KCNK13: variants seen among roughly 807,000 people sequenced by gnomAD.
The protein encoded by KCNK13 is potassium two pore domain channel subfamily K member 13, also known as potassium channel subfamily K member 13.
A neutral mutation model predicts 23.4 loss-of-function variants in KCNK13; 12 were observed. That is an observed-to-expected ratio of 0.51 (90% CI 0.33 to 0.83). KCNK13 has a LOEUF of 0.83. Among genes scored for constraint, KCNK13 ranks in the 40% least tolerant of loss-of-function variants. The probability of loss-of-function intolerance (pLI) is 0.02; values close to 1 mark genes in which losing one functional copy is unlikely to be tolerated. For synonymous variants in KCNK13, 231 were observed against 229.5 expected (o/e 1.01, Z -0.06); for missense variants, 463 against 556.3 (o/e 0.83, Z 1.69).
chr14:90,123,070 A>G (rs909263063), intron 1 of KCNK13, among the ~76,000 whole-genome samples: 1 of 152,194 alleles, frequency 6.6e-6, no homozygotes, highest in Non-Finnish European at 1.5e-5. Context: ...TTATTGAACT[A>G]TAGCTATATT....
chr14:90,178,071 T>G (rs1297775546), intron 1 of KCNK13, among the ~76,000 whole-genome samples: 1 of 152,090 alleles, frequency 6.6e-6, no homozygotes, highest in Non-Finnish European at 1.5e-5. Flanking sequence ...TTGAGAACTC[T>G]TTAGATACAC....
At chr14:90,069,619 A>C (rs1005269357) in intron 1 of KCNK13, among the ~76,000 whole-genome samples, 1 of 152,104 alleles carries the variant, frequency 6.6e-6, no homozygotes, top group Admixed American at 6.5e-5. Context: ...ATTGAAAGTC[A>C]CTATTTTACA....
chr14:90,081,641 A>G (rs1244290049), intron 1 of KCNK13, among the ~76,000 whole-genome samples: 3 of 152,204 alleles, frequency 2.0e-5, no homozygotes, highest in African/African-American at 7.2e-5. Context: ...TTTTTAGCAT[A>G]TTTACAGAGT....
At chr14:90,067,890 C>T (rs1889027124) in intron 1 of KCNK13, among the ~76,000 whole-genome samples, 2 of 152,102 alleles carry the variant, frequency 1.3e-5, no homozygotes, top group Non-Finnish European at 1.5e-5. Flanking sequence ...TTGACAGAGT[C>T]GGGGAAGGCT....
chr14:90,075,789 T>C (rs1889127777), intron 1 of KCNK13, among the ~76,000 whole-genome samples: 1 of 152,178 alleles, frequency 6.6e-6, no homozygotes, highest in Non-Finnish European at 1.5e-5. Context: ...TCTAGACTTA[T>C]CTTTTTTGAT....
chr14:90,158,886 G>T (rs992826404), intron 1 of KCNK13, among the ~76,000 whole-genome samples: 1 of 152,246 alleles, frequency 6.6e-6, no homozygotes, highest in Non-Finnish European at 1.5e-5. Flanking sequence ...GTGTTGATTA[G>T]CCAGGCTTGT....
At chr14:90,083,781 G>A (rs1380577018) in intron 1 of KCNK13, among the ~76,000 whole-genome samples, 1 of 152,212 alleles carries the variant, frequency 6.6e-6, no homozygotes, top group Non-Finnish European at 1.5e-5. Context: ...TGCCCAGTCT[G>A]CGGTATTTTG....
intron 1 of KCNK13, among the ~76,000 whole-genome samples, chr14:90,102,744 C>T (rs1477995625): frequency 6.6e-6 from 1 of 152,144 alleles, no homozygotes; most frequent in Non-Finnish European, 1.5e-5. Flanking sequence ...GTTGAGTTGC[C>T]AAGCTTTCAT....
At chr14:90,087,166 T>TTTA (rs1353467304) in intron 1 of KCNK13, among the ~76,000 whole-genome samples, 60 of 142,898 alleles carry the variant, frequency 4.2e-4, no homozygotes, top group African/African-American at 1.5e-3. Flanking sequence ...TTTTTTTTTT[T>TTTA]ATTGAGATGG....
At chr14:90,144,755 G>A (rs1890054498) in intron 1 of KCNK13, among the ~76,000 whole-genome samples, 1 of 151,862 alleles carries the variant, frequency 6.6e-6, no homozygotes, top group African/African-American at 2.4e-5. Context: ...CACCATGCCT[G>A]GCCTCTGTTT....
chr14:90,168,385 A>G (rs1370606986), intron 1 of KCNK13, among the ~76,000 whole-genome samples: 1 of 150,912 alleles, frequency 6.6e-6, no homozygotes, highest in Non-Finnish European at 1.5e-5. Context: ...AAAAAAAGTG[A>G]GGGTTGCTTT....
chr14:90,087,147 TA>T (rs1224276459), intron 1 of KCNK13, among the ~76,000 whole-genome samples: 24,240 of 118,884 alleles, frequency 0.2, 2,411 homozygotes, highest in Non-Finnish European at 0.23. Flanking sequence ...TATATATATA[TA>T]TATATATTTT....
chr14:90,116,415 A>T (rs751171581), intron 1 of KCNK13, among the ~76,000 whole-genome samples: 4 of 152,232 alleles, frequency 2.6e-5, no homozygotes, highest in Non-Finnish European at 5.9e-5. Flanking sequence ...GTTATAAACT[A>T]TCGCACAGTT....
At chr14:90,072,931 C>T (rs991409859) in intron 1 of KCNK13, among the ~76,000 whole-genome samples, 16 of 152,016 alleles carry the variant, frequency 1.1e-4, no homozygotes, top group African/African-American at 3.9e-4. Context: ...TCTTTGTGTA[C>T]GTTTAGTTCT....
intron 1 of KCNK13, among the ~76,000 whole-genome samples, chr14:90,077,267 T>C (rs1286912): frequency 0.61 from 92,185 of 151,238 alleles, 28,861 homozygotes; most frequent in African/African-American, 0.73. Flanking sequence ...TTACAGGCAC[T>C]CACCACCACG....
chr14:90,160,726 C>T (rs1890243583), intron 1 of KCNK13, among the ~76,000 whole-genome samples: 1 of 151,566 alleles, frequency 6.6e-6, no homozygotes, highest in Non-Finnish European at 1.5e-5. Flanking sequence ...ACCTGTAATC[C>T]CAGATGCTCT....
chr14:90,068,818 G>A (rs1157869590), intron 1 of KCNK13, among the ~76,000 whole-genome samples: 1 of 152,066 alleles, frequency 6.6e-6, no homozygotes, highest in Admixed American at 6.6e-5. Context: ...GGCAGGTGTG[G>A]TGAGGAGGTG....
intron 1 of KCNK13, among the ~76,000 whole-genome samples, chr14:90,115,725 C>T (rs1054651400): frequency 2.0e-5 from 3 of 152,270 alleles, no homozygotes; most frequent in African/African-American, 7.2e-5. Flanking sequence ...GGCAACAGGC[C>T]GATCTAGGTT....
At position 90,125,051 on chromosome 14, in the gene KCNK13, A is replaced by C. The variant is rs559305966; in HGVS notation, c.335-59060A>C. Among the ~76,000 whole-genome samples, 16 of 152,236 alleles carry C rather than the reference A, an allele frequency of 1.1e-4. No individual in the cohort carries two copies. The South Asian group carries it at 3.3e-3, about 32-fold the overall frequency. On this transcript the variant is annotated intron_variant, in intron 1 of 1. Transcript: ENST00000282146. ...GGAAGTTCCAGCTAAAAGGAGAATG[A>C]AGAATTTTTTACTGTAGATGGAAGG...
Sources: gnomAD v4.1 joint callset for allele counts (sites outside exome capture counted in the v4.1 genomes callset) on GRCh38, gnomAD v4.1.1 for gene constraint, MANE v1.5 for transcripts, NCBI Gene and HGNC (gene_info 2026-07-23, HGNC 2026-07-21) for gene names.